Variants in CPSF3 observed in about 807,000 individuals in gnomAD.
CPSF3 encodes cleavage and polyadenylation specificity factor subunit 3.
Under a neutral mutation model 84.1 loss-of-function variants are expected in CPSF3, and 57 were observed. The observed-to-expected ratio is 0.68, with a 90% CI of 0.55 to 0.85. The LOEUF (loss-of-function observed/expected upper bound fraction) is 0.85, where lower values mean the gene tolerates loss of function less well. CPSF3 is among the 40% of genes least tolerant of loss of function. The pLI is 0.00. For missense variants in CPSF3, 522 were observed against 838.8 expected, an observed-to-expected ratio of 0.62 and a Z score of 4.66; for synonymous variants, 275 against 278.1, an observed-to-expected ratio of 0.99 and a Z score of 0.11.
At chr2:9,456,507 GGATGCTAGAAA>G (rs1458838022) in intron 13 of CPSF3, among the ~76,000 whole-genome samples, 1 of 152,138 alleles carries the variant, frequency 6.6e-6, no homozygotes, top group Non-Finnish European at 1.5e-5. Flanking sequence ...TTGATTAAGA[GGATGCTAGAAA>G]GACCAGAAAA....
In CPSF3 at chr2:9,427,997, T is replaced by A. The variant is rs1457962975; in HGVS notation, c.51-768T>A. ...TGAATAAGTATTTTAAAAAAAAAAATTTTTTTTTTTTTTTTTTGAGGCAGA... is the reference window on the plus strand; with the variant it reads ...TGAATAAGTATTTTAAAAAAAAAAAATTTTTTTTTTTTTTTTTGAGGCAGA... On this transcript the variant is annotated intron_variant, in intron 1 of 17. Transcript: ENST00000238112. Among the ~76,000 whole-genome samples the A allele has an allele frequency of 2.1e-4, 28 of 136,154 alleles. No individual in the cohort carries two copies. In the South Asian group the frequency reaches 3.0e-3, roughly 15 times the overall value. 89.3% of individuals were successfully genotyped at this position (136,154 alleles called of 152,430 possible).
chr2:9,436,794 A>ATAATAATAG (rs1247395600), intron 7 of CPSF3, among the ~76,000 whole-genome samples: 2 of 150,998 alleles, frequency 1.3e-5, no homozygotes, highest in Admixed American at 6.6e-5. Flanking sequence ...AATAATAATA[A>ATAATAATAG]TAGGGATTTG....
chr2:9,460,624 T>G (rs1413919144), intron 15 of CPSF3, among the ~76,000 whole-genome samples: 1 of 152,074 alleles, frequency 6.6e-6, no homozygotes, highest in Non-Finnish European at 1.5e-5. Context: ...ACTTCTTTGA[T>G]TCTATTTTAT....
chr2:9,433,082 GC>G (rs1416011591), intron 5 of CPSF3, among the ~76,000 whole-genome samples: 1 of 152,176 alleles, frequency 6.6e-6, no homozygotes, highest in Non-Finnish European at 1.5e-5. Context: ...TCACAGGTAA[GC>G]CCCTAAGCAG....
chr2:9,466,333 C>CTT (rs1558466447), intron 15 of CPSF3, among the ~76,000 whole-genome samples: 4 of 130,046 alleles, frequency 3.1e-5, no homozygotes, highest in African/African-American at 1.5e-4. Flanking sequence ...CACAGACGCA[C>CTT]GCACACACGC....
rs1180022248 is a variant in CPSF3, at chr2:9,423,703, G to A, written c.-71G>A. ...GGTTCTTCCTTTTTTATTTACCGGT[G>A]GCTGTGCTTCCAATTTAGGAAGACC... is the stretch of plus-strand genomic sequence containing the variant. On this transcript the variant is annotated 5_prime_UTR_variant, in exon 1 of 18. Coordinates refer to ENST00000238112, the MANE Select transcript of CPSF3 (RefSeq NM_016207.4). 2 of 1,572,918 alleles carry A rather than the reference G, an allele frequency of 1.3e-6. No individual in the cohort carries two copies. The highest frequency in any genetic ancestry group is 3.6e-5 in the Admixed American group (2 of 55,180).
rs1385377161 is a variant in CPSF3 at position 9,425,422 on chromosome 2, TGG to T, written c.50+1600_50+1601del. Among the ~76,000 whole-genome samples, 3 of 28,676 alleles carry T rather than the reference TGG, an allele frequency of 1.0e-4. No homozygotes were observed. The African/African-American group carries it at 1.1e-3, about 11-fold the overall frequency. 18.8% of individuals were successfully genotyped at this position (28,676 alleles called of 152,430 possible). A position where few individuals can be genotyped will look rare whatever the true frequency, so the allele number is the denominator to read the frequency against. Reference sequence around the variant, plus strand: ...GCAGTGTAGCAGATGAATAAAAGCATGGATGAATAAAAGCATGGATTGAGTAG... The same window carrying T: ...GCAGTGTAGCAGATGAATAAAAGCATATGAATAAAAGCATGGATTGAGTAG... On this transcript the variant is annotated intron_variant, in intron 1 of 17. Coordinates refer to ENST00000238112, the MANE Select transcript of CPSF3 (RefSeq NM_016207.4).
At chr2:9,434,629 T>G (rs946525034) in intron 6 of CPSF3, among the ~76,000 whole-genome samples, 1 of 152,232 alleles carries the variant, frequency 6.6e-6, no homozygotes, top group African/African-American at 2.4e-5. Context: ...TTTGCCATGG[T>G]GACTATCCTC....
intron 1 of CPSF3, among the ~76,000 whole-genome samples, chr2:9,426,474 G>A (rs1680397107): frequency 6.6e-6 from 1 of 152,180 alleles, no homozygotes; most frequent in African/African-American, 2.4e-5. Context: ...GATACCTAGT[G>A]TCACGTGTAT....
chr2:9,464,764 T>C (rs1412610396), intron 15 of CPSF3, among the ~76,000 whole-genome samples: 2 of 152,038 alleles, frequency 1.3e-5, no homozygotes, highest in Admixed American at 6.6e-5. Flanking sequence ...GGCTAATTTT[T>C]CTATTTTTAT....
chr2:9,459,094 G>A (rs1027744509), intron 14 of CPSF3, among the ~76,000 whole-genome samples: 1 of 151,442 alleles, frequency 6.6e-6, no homozygotes, highest in East Asian at 1.9e-4. Flanking sequence ...CCTGGGCAAT[G>A]GGAGCAAAAT....
At chr2:9,469,062 C>T (rs1051032497) in intron 16 of CPSF3, among the ~76,000 whole-genome samples, 1 of 152,218 alleles carries the variant, frequency 6.6e-6, no homozygotes, top group Non-Finnish European at 1.5e-5. Flanking sequence ...ATTCCTCATA[C>T]AAAACCAGCC....
chr2:9,468,719 C>T (rs1312171466), intron 16 of CPSF3, among the ~76,000 whole-genome samples: 7 of 147,938 alleles, frequency 4.7e-5, no homozygotes, highest in East Asian at 2.0e-4. Context: ...CTCCACCTCT[C>T]GGGTTCAAGC....
rs757700851 is a variant in CPSF3, at chr2:9,452,375, G to T, written c.1396-538G>T. ...TGGGTTTCACGTTTGTAGTATTTTT[G>T]TTTTTAAATGGTTGTTATTTTATTC... On this transcript the variant is annotated intron_variant, in intron 11 of 17. Transcript: ENST00000238112. 4.7e-3 allele frequency among the ~76,000 whole-genome samples: 689 copies of T among 147,276 alleles called. 3 individuals are homozygous for T. The highest frequency in any genetic ancestry group is 8.1e-3 in the Non-Finnish European group (539 of 66,908).
intron 11 of CPSF3, among the ~76,000 whole-genome samples, chr2:9,449,905 T>C (rs1681255531): frequency 6.6e-6 from 1 of 152,206 alleles, no homozygotes; most frequent in Non-Finnish European, 1.5e-5. Context: ...GAAATACTTC[T>C]AAGAGAAACT....
intron 14 of CPSF3, among the ~76,000 whole-genome samples, 162 bp downstream of exon 14, chr2:9,457,189 G>GTGTT (rs1681564421): frequency 1.3e-5 from 2 of 148,430 alleles, no homozygotes; most frequent in Non-Finnish European, 3.0e-5. Context: ...GTGTGTGTGT[G>GTGTT]TGGTTTTAAG....
chr2:9,461,767 TA>T (rs376173631), intron 15 of CPSF3, among the ~76,000 whole-genome samples: 5,335 of 94,638 alleles, frequency 0.056, 317 homozygotes, highest in African/African-American at 0.18. Context: ...TTTTTTTTTT[TA>T]AATTTATCTA....
intron 14 of CPSF3, among the ~76,000 whole-genome samples, chr2:9,458,295 T>A (rs1312884039): frequency 6.6e-6 from 1 of 151,888 alleles, no homozygotes; most frequent in African/African-American, 2.4e-5. Flanking sequence ...TCCCAACTAC[T>A]TGGAAGGCTG....
chr2:9,423,916 A>G, intron 1 of CPSF3, 93 bp downstream of exon 1: 3 of 1,541,412 alleles, frequency 1.9e-6, no homozygotes, highest in Non-Finnish European at 2.6e-6. Context: ...CCGCGCTCCC[A>G]CCTACCCCGG....
Sources: gnomAD v4.1 joint callset for allele counts (sites outside exome capture counted in the v4.1 genomes callset) on GRCh38, gnomAD v4.1.1 for gene constraint, MANE v1.5 for transcripts, NCBI Gene and HGNC (gene_info 2026-07-23, HGNC 2026-07-21) for gene names.